UNC79: variants seen among roughly 807,000 people sequenced by gnomAD.
The protein encoded by UNC79 is protein unc-79 homolog.
In UNC79, 37 loss-of-function variants were observed where a neutral mutation model predicts 283.1. That is an observed-to-expected ratio of 0.13 (90% CI 0.10 to 0.17). UNC79 has a LOEUF of 0.17. Ranked by LOEUF, UNC79 falls within the 10% of genes least tolerant of loss-of-function variation. UNC79 has a pLI of 1.00. For missense variants in UNC79, 2,272 were observed against 3,211.1 expected, an observed-to-expected ratio of 0.71 and a Z score of 7.07; for synonymous variants, 1,107 against 1,200.2, an observed-to-expected ratio of 0.92 and a Z score of 1.61.
At chr14:93,626,104 A>G (rs1474286433) in intron 30 of UNC79, among the ~76,000 whole-genome samples, 1 of 152,220 alleles carries the variant, frequency 6.6e-6, no homozygotes, top group Admixed American at 6.5e-5. Context: ...ATTAATGGCC[A>G]TGAACCTCAA....
chr14:93,611,212 A>G (rs1421118982), intron 26 of UNC79, among the ~76,000 whole-genome samples: 2 of 152,222 alleles, frequency 1.3e-5, no homozygotes, highest in Non-Finnish European at 2.9e-5. Context: ...AAGTTTCTCT[A>G]AAGTGCGTCA....
chr14:93,370,527 C>T (rs969592883), intron 1 of UNC79, among the ~76,000 whole-genome samples: 5 of 152,186 alleles, frequency 3.3e-5, no homozygotes, highest in South Asian at 2.1e-4. Context: ...AATCCCATCA[C>T]GTTGGGAGGC....
Position 93,564,461 on chromosome 14 carries a change from A to T in UNC79, c.1756-7433A>T. Among the ~76,000 whole-genome samples, 2 of 152,092 alleles carry T rather than the reference A, an allele frequency of 1.3e-5. 1 individual carries two copies. Among genetic ancestry groups the T allele is most frequent in the East Asian group, 3.9e-4 (2 of 5,190 alleles). ...AGGTAACGGATGGAGAAGAAATTTG[A>T]GCTTTGGATGGGGATACCCGATATC... On this transcript the variant is annotated intron_variant, in intron 14 of 48. Coordinates refer to ENST00000555664, the Ensembl canonical transcript of UNC79.
intron 41 of UNC79, among the ~76,000 whole-genome samples, chr14:93,677,405 CAT>C: frequency 6.6e-6 from 1 of 152,334 alleles, no homozygotes; most frequent in African/African-American, 2.4e-5. Context: ...GGAGCAAATT[CAT>C]GTCTTACATG....
chr14:93,501,384 T>A (rs2059279942), intron 7 of UNC79, among the ~76,000 whole-genome samples: 1 of 151,534 alleles, frequency 6.6e-6, no homozygotes, highest in Admixed American at 6.6e-5. Flanking sequence ...GAAAATTTAC[T>A]TATAGAAAAA....
At chr14:93,355,687 C>G (rs2054072730) in intron 1 of UNC79, among the ~76,000 whole-genome samples, 2 of 152,210 alleles carry the variant, frequency 1.3e-5, no homozygotes. Context: ...CCACCTCTTT[C>G]CATCCAGGTT....
intron 34 of UNC79, among the ~76,000 whole-genome samples, 178 bp downstream of exon 37, chr14:93,643,875 C>T (rs1313422498): frequency 6.6e-6 from 1 of 152,180 alleles, no homozygotes; most frequent in Non-Finnish European, 1.5e-5. Context: ...CTGAATTCTC[C>T]AGCTGCGTAG....
chr14:93,688,985 A>T lies in UNC79; in HGVS notation c.7085+145A>T. 2 of 887,248 alleles carry T rather than the reference A, an allele frequency of 2.3e-6. No individual in the cohort carries two copies. The highest frequency in any genetic ancestry group is 3.2e-6 in the Non-Finnish European group (2 of 630,538). 55.0% of individuals were successfully genotyped at this position (887,248 alleles called of 1,614,324 possible). On this transcript the variant is annotated intron_variant, in intron 44 of 48. Coordinates refer to ENST00000555664, the Ensembl canonical transcript of UNC79. This position sits in a 1 kb window ranked among gnomAD's most constrained non-coding sequence, Gnocchi z 4.0. ...GTTAGGAAGATGGAAATCAGATCCC[A>T]TCTCCTTACGTACTTGCTGACCCAG...
chr14:93,426,876 G>A (rs1447032840), upstream of UNC79, among the ~76,000 whole-genome samples: 4 of 151,664 alleles, frequency 2.6e-5, no homozygotes, highest in Non-Finnish European at 5.9e-5. Context: ...CTTCACCATT[G>A]GTCAAGTGGG....
intron 30 of UNC79, among the ~76,000 whole-genome samples, chr14:93,628,211 C>G (rs1023242645): frequency 6.6e-6 from 1 of 152,154 alleles, no homozygotes; most frequent in African/African-American, 2.4e-5. Flanking sequence ...CCTATGTGGT[C>G]CTAGTCCTCA....
At chr14:93,538,290 A>T (rs756081224) in intron 12 of UNC79, 72 bp downstream of exon 12, 47 of 1,404,652 alleles carry the variant, frequency 3.3e-5, no homozygotes, top group Non-Finnish European at 4.3e-5. Context: ...GCACACTGAG[A>T]TGTGCATATT....
At chr14:93,389,493 T>G (rs1405313378) in intron 1 of UNC79, among the ~76,000 whole-genome samples, 5 of 152,112 alleles carry the variant, frequency 3.3e-5, no homozygotes, top group Admixed American at 2.0e-4. Context: ...CATATAACAT[T>G]GCAGAGCCTG....
At chr14:93,686,319 C>T (rs568185844) in intron 42 of UNC79, among the ~76,000 whole-genome samples, 2 of 152,268 alleles carry the variant, frequency 1.3e-5, no homozygotes, top group African/African-American at 4.8e-5. Flanking sequence ...AGTTCAATTA[C>T]CCAGTGGATA....
At chr14:93,669,233 TAAAAA>T (rs1262447342) in intron 40 of UNC79, among the ~76,000 whole-genome samples, 4 of 152,072 alleles carry the variant, frequency 2.6e-5, no homozygotes, top group Non-Finnish European at 5.9e-5. Flanking sequence ...CCAGTTAACT[TAAAAA>T]GTAAAAAGAA....
chr14:93,599,884 C>G (rs985400888), intron 24 of UNC79, among the ~76,000 whole-genome samples: 3 of 152,148 alleles, frequency 2.0e-5, no homozygotes, highest in South Asian at 2.1e-4. Flanking sequence ...TGAAAGTACG[C>G]TTCTCTTAAT....
chr14:93,658,109 T>TGGAA (rs1388155906), intron 38 of UNC79, among the ~76,000 whole-genome samples: 1 of 152,230 alleles, frequency 6.6e-6, no homozygotes, highest in Non-Finnish European at 1.5e-5. Context: ...ACTTGTGAAA[T>TGGAA]ACTTTCAAAA....
chr14:93,458,757 T>C (rs1422631885), intron 1 of UNC79, among the ~76,000 whole-genome samples: 4 of 152,200 alleles, frequency 2.6e-5, no homozygotes, highest in African/African-American at 9.7e-5. Context: ...ACCACCGTGC[T>C]ACTGTTGACC....
At chr14:93,397,118 G>T (rs1398390183) in intron 1 of UNC79, 2 of 97,446 alleles carry the variant, frequency 2.1e-5, no homozygotes, top group African/African-American at 7.9e-5. Flanking sequence ...GAATTTATTT[G>T]TTTATTTTTT....
At chr14:93,483,002 G>A (rs2058217426) in intron 4 of UNC79, among the ~76,000 whole-genome samples, 2 of 152,068 alleles carry the variant, frequency 1.3e-5, no homozygotes, top group Admixed American at 1.3e-4. Flanking sequence ...TCTGCTCCAG[G>A]AGCCTTGGCC....
Sources: gnomAD v4.1 joint callset for allele counts (sites outside exome capture counted in the v4.1 genomes callset) on GRCh38, gnomAD v4.1.1 for gene constraint, Gnocchi (gnomAD v3.1) non-coding constraint, MANE v1.5 for transcripts, NCBI Gene and HGNC (gene_info 2026-07-23, HGNC 2026-07-21) for gene names.